Variants in HOATZ observed in about 807,000 individuals in gnomAD.
The protein encoded by HOATZ is cilia- and flagella-associated protein HOATZ.
A neutral mutation model predicts 24.9 loss-of-function variants in HOATZ; 26 were observed. That is an observed-to-expected ratio of 1.04 (90% CI 0.76 to 1.45). HOATZ has a LOEUF of 1.45. Ranked by LOEUF, HOATZ falls within the 40% of genes most tolerant of loss-of-function variation. The pLI, the probability that HOATZ is intolerant of heterozygous loss-of-function variation, is 0.00. For synonymous variants in HOATZ, 83 were observed against 76.6 expected, an observed-to-expected ratio of 1.08 and a Z score of -0.43; for missense variants, 226 against 201.5, an observed-to-expected ratio of 1.12 and a Z score of -0.74.
intron 4 of HOATZ, 52 bp downstream of exon 4, chr11:111,533,857 G>A: frequency 2.2e-6 from 3 of 1,355,190 alleles, no homozygotes; most frequent in South Asian, 3.0e-5. Context: ...GATGAATTGT[G>A]GCAAATTTTG....
intron 3 of HOATZ, among the ~76,000 whole-genome samples, chr11:111,517,158 C>T (rs1565484811): frequency 6.6e-6 from 1 of 152,178 alleles, no homozygotes; most frequent in East Asian, 1.9e-4. Flanking sequence ...TTGTGGACTA[C>T]TGGTGCTTCC....
chr11:111,515,401 G>T (rs746890367), intron 1 of HOATZ, 110 bp from the exon 2 acceptor site: 8 of 848,212 alleles, frequency 9.4e-6, no homozygotes, highest in Non-Finnish European at 1.6e-5. Context: ...CCTTAGTGAG[G>T]CCTAGGATGT....
At chr11:111,532,528 G>A (rs1304020261) in intron 3 of HOATZ, among the ~76,000 whole-genome samples, 1 of 152,138 alleles carries the variant, frequency 6.6e-6, no homozygotes, top group East Asian at 1.9e-4. Flanking sequence ...TTGGGGTTAC[G>A]CAAACCAAGG....
intron 3 of HOATZ, among the ~76,000 whole-genome samples, chr11:111,518,411 T>G (rs1197306582): frequency 6.6e-6 from 1 of 152,220 alleles, no homozygotes; most frequent in African/African-American, 2.4e-5. Context: ...CATAATTTAG[T>G]GTTCATAACA....
chr11:111,524,101 C>A lies in HOATZ; in HGVS notation c.339+7991C>A, dbSNP rs73013173. On this transcript the variant is annotated intron_variant, in intron 3 of 5. Coordinates refer to ENST00000375618, the MANE Select transcript of HOATZ (RefSeq NM_001100388.2). ...TGAATAAGTGGATTATCTAACTTGT[C>A]TGGACCAAATTCTGCATGATAGCCC... is the stretch of plus-strand genomic sequence containing the variant. 6.3e-3 allele frequency among the ~76,000 whole-genome samples: 960 copies of A among 152,296 alleles called. 6 individuals carry two copies. The highest frequency in any genetic ancestry group is 0.013 in the South Asian group (63 of 4,820).
intron 3 of HOATZ, among the ~76,000 whole-genome samples, chr11:111,522,847 A>C (rs1299318459): frequency 2.6e-5 from 4 of 152,198 alleles, no homozygotes; most frequent in African/African-American, 9.7e-5. Context: ...GAGGCTGGGC[A>C]GGCCAAGGCG....
At chr11:111,518,767 G>A (rs1867235614) in intron 3 of HOATZ, among the ~76,000 whole-genome samples, 2 of 152,162 alleles carry the variant, frequency 1.3e-5, no homozygotes, top group Admixed American at 1.3e-4. Flanking sequence ...CTATAAGCTG[G>A]TTCTCCATTC....
rs564322591 is a variant in HOATZ, at chr11:111,517,976, TCTC to T, written c.339+1869_339+1871del. Among the ~76,000 whole-genome samples the T allele has an allele frequency of 1.6e-3, 238 of 152,278 alleles. 1 individual carries two copies. The highest frequency in any genetic ancestry group is 2.2e-3 in the Non-Finnish European group (147 of 68,026). ...TTTCCAATCCAGTCCTAACCTGTCT[TCTC>T]CTATCACTCTCCCCGCTTTCTCCTA... On this transcript the variant is annotated intron_variant, in intron 3 of 5. Coordinates refer to ENST00000375618, the MANE Select transcript of HOATZ (RefSeq NM_001100388.2).
intron 3 of HOATZ, chr11:111,524,871 C>CTT: frequency 2.3e-6 from 1 of 433,878 alleles, no homozygotes; most frequent in Non-Finnish European, 4.6e-6. Context: ...TTTTTCTTTT[C>CTT]TTTTTTTTTA....
At chr11:111,520,554 A>G (rs1867257662) in intron 3 of HOATZ, among the ~76,000 whole-genome samples, 1 of 152,226 alleles carries the variant, frequency 6.6e-6, no homozygotes, top group Non-Finnish European at 1.5e-5. Flanking sequence ...AGTTTGTTAT[A>G]TGGCACTTCC....
chr11:111,535,595 C>A (rs1867442125), intron 5 of HOATZ: 1 of 152,190 alleles, frequency 6.6e-6, no homozygotes, highest in Non-Finnish European at 1.5e-5. Flanking sequence ...GTCCTACATC[C>A]TGAAGCCTTG....
At chr11:111,522,690 G>A (rs1471475982) in intron 3 of HOATZ, among the ~76,000 whole-genome samples, 3 of 152,132 alleles carry the variant, frequency 2.0e-5, no homozygotes, top group Non-Finnish European at 4.4e-5. Flanking sequence ...CACTGTATTG[G>A]CAATATAGTA....
At position 111,514,838 on chromosome 11, in the gene HOATZ, GT is replaced by G; in HGVS notation, c.55del (p.Cys19AlafsTer81). On this transcript the variant is annotated frameshift_variant, in exon 1 of 6. Transcript: ENST00000375618. LOFTEE classifies it high-confidence loss of function. Reference protein sequence around the residue: ...PSGRKESQEMCPPGLLVFAGS... With the variant: ...PSGRKESQEMXPPGLLVFAGS... ...GCGGCCGAAAAGAGTCCCAGGAAAT[GT>G]GCCCCCCGGGATTACTGGTATTTGC... 2 of 1,614,106 alleles carry G rather than the reference GT, an allele frequency of 1.2e-6. No homozygotes were observed. Among genetic ancestry groups the G allele is most frequent in the Non-Finnish European group, 1.7e-6 (2 of 1,180,014 alleles).
At chr11:111,523,757 G>A (rs1178429064) in intron 3 of HOATZ, among the ~76,000 whole-genome samples, 3 of 152,136 alleles carry the variant, frequency 2.0e-5, no homozygotes, top group Non-Finnish European at 4.4e-5. Flanking sequence ...AGTTTCTTCT[G>A]CCTGAAAATG....
At chr11:111,515,413 G>T in intron 1 of HOATZ, 98 bp from the exon 2 acceptor site, 1 of 979,250 alleles carries the variant, frequency 1.0e-6, no homozygotes, top group Non-Finnish European at 1.6e-6. Flanking sequence ...CTAGGATGTG[G>T]AAACTGTTAT....
chr11:111,529,894 A>G (rs1050678389), intron 3 of HOATZ, among the ~76,000 whole-genome samples: 2 of 152,210 alleles, frequency 1.3e-5, no homozygotes, highest in African/African-American at 4.8e-5. Flanking sequence ...AACAAATCAT[A>G]TCTTTAACAT....
intron 3 of HOATZ, among the ~76,000 whole-genome samples, chr11:111,526,985 C>A (rs1488255567): frequency 6.6e-6 from 1 of 151,984 alleles, no homozygotes; most frequent in Non-Finnish European, 1.5e-5. Context: ...ATAGAGTTAC[C>A]CTCAATATAT....
intron 3 of HOATZ, among the ~76,000 whole-genome samples, chr11:111,520,944 C>A (rs1867261762): frequency 6.6e-6 from 1 of 152,164 alleles, no homozygotes; most frequent in South Asian, 2.1e-4. Flanking sequence ...ACAAATTAAA[C>A]TTTATCATAG....
At chr11:111,515,401 G>A in intron 1 of HOATZ, 110 bp from the exon 2 acceptor site, 1 of 848,212 alleles carries the variant, frequency 1.2e-6, no homozygotes, top group Non-Finnish European at 2.0e-6. Flanking sequence ...CCTTAGTGAG[G>A]CCTAGGATGT....
Sources: gnomAD v4.1 joint callset for allele counts (sites outside exome capture counted in the v4.1 genomes callset) on GRCh38, gnomAD v4.1.1 for gene constraint, MANE v1.5 for transcripts, NCBI Gene and HGNC (gene_info 2026-07-23, HGNC 2026-07-21) for gene names.